Variants in VTI1A observed in about 807,000 individuals in gnomAD.
VTI1A encodes the protein vesicle transport through interaction with t-SNAREs 1A.
VTI1A carries 22 observed loss-of-function variants against 34.9 expected under a neutral mutation model. That is an observed-to-expected ratio of 0.63 (90% confidence interval 0.45 to 0.90). The LOEUF is 0.90. Ranked by LOEUF, VTI1A falls within the 40% of genes least tolerant of loss-of-function variation. The pLI is 0.00. For synonymous variants in VTI1A, 87 were observed against 97.3 expected (o/e 0.89, Z 0.62); for missense variants, 268 against 275.6 (o/e 0.97, Z 0.20).
intron 5 of VTI1A, among the ~76,000 whole-genome samples, chr10:112,640,711 A>G (rs1044242803): frequency 6.6e-6 from 1 of 152,194 alleles, no homozygotes; most frequent in African/African-American, 2.4e-5. Flanking sequence ...CCAATAGAAA[A>G]ATACAGCTAA....
At chr10:112,548,722 C>CT (rs1429705601) in intron 5 of VTI1A, 12 of 1,363,236 alleles carry the variant, frequency 8.8e-6, no homozygotes, top group Non-Finnish European at 1.0e-5. Flanking sequence ...CAGCAACTGT[C>CT]TATCTCATAT....
At chr10:112,800,252 A>AGAGGAGCT (rs1852830565) in intron 7 of VTI1A, among the ~76,000 whole-genome samples, 1 of 152,218 alleles carries the variant, frequency 6.6e-6, no homozygotes, top group South Asian at 2.1e-4. Flanking sequence ...ACAGAGCTGC[A>AGAGGAGCT]GAGGAGCTGA....
chr10:112,610,983 T>C (rs905436361), intron 5 of VTI1A, among the ~76,000 whole-genome samples: 2 of 152,198 alleles, frequency 1.3e-5, no homozygotes, highest in African/African-American at 4.8e-5. Flanking sequence ...GTGTGGACTG[T>C]CCAACACGTG....
the VTI1A span, among the ~76,000 whole-genome samples, chr10:112,830,529 A>G: frequency 4.6e-5 from 7 of 151,096 alleles, no homozygotes; most frequent in African/African-American, 1.7e-4. Context: ...ATTCTTGCTC[A>G]TCCTACGTTT....
At chr10:112,467,738 A>G (rs1847944328) in intron 3 of VTI1A, among the ~76,000 whole-genome samples, 1 of 152,224 alleles carries the variant, frequency 6.6e-6, no homozygotes, top group Admixed American at 6.5e-5. Context: ...ATTTCATTTC[A>G]TTGTGTGAAG....
intron 7 of VTI1A, among the ~76,000 whole-genome samples, chr10:112,723,666 C>T (rs1002955681): frequency 6.6e-6 from 1 of 152,170 alleles, no homozygotes; most frequent in Admixed American, 6.5e-5. Flanking sequence ...GCAAGGGCTC[C>T]AAATGCCAGT....
chr10:112,550,969 C>T (rs963212015), intron 5 of VTI1A, among the ~76,000 whole-genome samples: 6 of 152,096 alleles, frequency 3.9e-5, no homozygotes, highest in South Asian at 2.1e-4. Context: ...CACGGCCGGG[C>T]GCGGTGGCTC....
intron 5 of VTI1A, among the ~76,000 whole-genome samples, chr10:112,576,019 CTTTT>C (rs760363890): frequency 7.6e-5 from 10 of 131,288 alleles, no homozygotes; most frequent in African/African-American, 2.8e-4. Context: ...CTTTTCTTTT[CTTTT>C]TTTTTTTTTT....
At chr10:112,786,049 T>A (rs111607184) in intron 7 of VTI1A, among the ~76,000 whole-genome samples, 2 of 152,182 alleles carry the variant, frequency 1.3e-5, no homozygotes, top group African/African-American at 4.8e-5. Flanking sequence ...AAGGATTGCA[T>A]TGAGTTGTCA....
intron 7 of VTI1A, among the ~76,000 whole-genome samples, chr10:112,717,888 C>T (rs181357628): frequency 2.8e-4 from 43 of 152,210 alleles, no homozygotes; most frequent in African/African-American, 8.9e-4. Flanking sequence ...GTCACATCCC[C>T]GAAGAACATT....
At chr10:112,849,257 G>A in the VTI1A span, among the ~76,000 whole-genome samples, 32,550 of 152,272 alleles carry the variant, frequency 0.21, 3,900 homozygotes, top group Middle Eastern at 0.28. Context: ...GACTCCAAGT[G>A]GTGGCAGTGC....
intron 5 of VTI1A, among the ~76,000 whole-genome samples, chr10:112,582,287 C>T (rs1252063271): frequency 6.6e-6 from 1 of 152,154 alleles, no homozygotes; most frequent in Non-Finnish European, 1.5e-5. Context: ...CTCATGACCT[C>T]CCCAGTGTGC....
intron 7 of VTI1A, among the ~76,000 whole-genome samples, chr10:112,798,757 G>T (rs2134068994): frequency 6.6e-6 from 1 of 152,274 alleles, no homozygotes; most frequent in South Asian, 2.1e-4. Context: ...TTGTTCTCCG[G>T]AAGATCACAC....
chr10:112,804,370 C>T lies in VTI1A; in HGVS notation c.561-10920C>T, dbSNP rs35955194. On this transcript the variant is annotated intron_variant, in intron 7 of 7. Transcript: ENST00000393077. Reference sequence around the variant, plus strand: ...CCACTGGAAGTTTCCTAGGCAGCTTCTCCAGCCTCTGACAACCAGTGCCTC... The same window carrying T: ...CCACTGGAAGTTTCCTAGGCAGCTTTTCCAGCCTCTGACAACCAGTGCCTC... Among the ~76,000 whole-genome samples the T allele has an allele frequency of 4.4e-3, 665 of 152,366 alleles. 1 individual carries two copies. Among genetic ancestry groups the T allele is most frequent in the South Asian group, 0.011 (55 of 4,826 alleles).
intron 5 of VTI1A, among the ~76,000 whole-genome samples, chr10:112,582,892 TA>T (rs1844002986): frequency 6.6e-6 from 1 of 152,014 alleles, no homozygotes; most frequent in Non-Finnish European, 1.5e-5. Flanking sequence ...CTCTTGGCTG[TA>T]AAAAACCTCC....
chr10:112,636,433 T>C (rs1393997602), intron 5 of VTI1A, among the ~76,000 whole-genome samples: 3 of 152,070 alleles, frequency 2.0e-5, no homozygotes, highest in African/African-American at 7.2e-5. Flanking sequence ...GTCAAATAGA[T>C]TATAAACTCC....
rs117160735 is a variant in VTI1A, at chr10:112,803,369, C to T, written c.561-11921C>T. On this transcript the variant is annotated intron_variant, in intron 7 of 7. Transcript: ENST00000393077. ...AGGCATGAGCCACTGCACCCAGCCT[C>T]CTTCTTCATTTTAGAGAGAAGTGAG... 4.5e-3 allele frequency among the ~76,000 whole-genome samples: 687 copies of T among 152,318 alleles called. 12 individuals are homozygous for T. The East Asian group carries it at 0.048, about 11-fold the overall frequency.
chr10:112,559,757 G>A (rs1851659667), intron 5 of VTI1A, among the ~76,000 whole-genome samples: 1 of 152,162 alleles, frequency 6.6e-6, no homozygotes, highest in Non-Finnish European at 1.5e-5. Flanking sequence ...TACACACAGA[G>A]CCACACAGCC....
chr10:112,461,001 A>C (rs915243229), intron 2 of VTI1A, among the ~76,000 whole-genome samples: 6 of 149,954 alleles, frequency 4.0e-5, no homozygotes, highest in African/African-American at 1.5e-4. Context: ...CAAGTGACTC[A>C]CTTGCTTGCT....
Sources: allele counts gnomAD v4.1 joint callset (sites outside exome capture counted in the v4.1 genomes callset), GRCh38; gene constraint gnomAD v4.1.1; transcripts MANE v1.5; gene names NCBI Gene and HGNC (gene_info 2026-07-23, HGNC 2026-07-21).